The following EML1 variants were observed in gnomAD, a reference collection of about 807,000 sequenced individuals.
EML1 encodes the protein echinoderm microtubule-associated protein-like 1.
A neutral mutation model predicts 110.4 loss-of-function variants in EML1; 27 were observed. The ratio of observed to expected loss-of-function variants is 0.24; its 90% confidence interval spans 0.18 to 0.34. The LOEUF is 0.34. Ranked by LOEUF, EML1 falls within the 10% of genes least tolerant of loss-of-function variation. The pLI is 1.00. For synonymous variants in EML1, 344 were observed against 385.8 expected (o/e 0.89, Z 1.27); for missense variants, 741 against 1,030.9 (o/e 0.72, Z 3.85).
intron 2 of EML1, among the ~76,000 whole-genome samples, chr14:99,857,417 G>T (rs1370695384): frequency 6.6e-6 from 1 of 152,102 alleles, no homozygotes; most frequent in Non-Finnish European, 1.5e-5. Flanking sequence ...CTTTTTAATA[G>T]CAGTTTTATT....
intron 1 of EML1, among the ~76,000 whole-genome samples, chr14:99,799,146 G>A (rs900604848): frequency 3.9e-5 from 6 of 152,168 alleles, no homozygotes; most frequent in South Asian, 2.1e-4. Context: ...ACTACAGCGG[G>A]TCGAGTCCAT....
intron 1 of EML1, among the ~76,000 whole-genome samples, chr14:99,762,272 A>T (rs1428686487): frequency 6.6e-6 from 1 of 152,184 alleles, no homozygotes; most frequent in Non-Finnish European, 1.5e-5. Context: ...GAAATGCAAC[A>T]TGCTTACAGA....
intron 1 of EML1, among the ~76,000 whole-genome samples, chr14:99,757,399 A>G (rs1300219949): frequency 6.6e-6 from 1 of 152,092 alleles, no homozygotes; most frequent in Non-Finnish European, 1.5e-5. Context: ...GCCCCCAGTG[A>G]CAGCACAGGT....
chr14:99,849,163 G>A (rs2058750378), intron 1 of EML1, among the ~76,000 whole-genome samples: 1 of 152,056 alleles, frequency 6.6e-6, no homozygotes. Flanking sequence ...GTCTTTTGAT[G>A]ATTAATTCTT....
chr14:99,848,514 CTT>C (rs1342459515), intron 1 of EML1, among the ~76,000 whole-genome samples: 2 of 152,076 alleles, frequency 1.3e-5, no homozygotes, highest in African/African-American at 4.8e-5. Flanking sequence ...ATGAAAGCCA[CTT>C]ATAATTAATG....
In EML1 at chr14:99,939,035, C is replaced by T. The variant is rs566420480; in HGVS notation, c.2192-162C>T. Among the ~76,000 whole-genome samples the T allele has an allele frequency of 2.0e-5, 3 of 152,208 alleles. No individual in the cohort carries two copies. Among genetic ancestry groups the T allele is most frequent in the Admixed American group, 6.5e-5 (1 of 15,280 alleles). ...GAGTGAGAGGAGACTGGGCGCACAG[C>T]GAGAGGCCAGGAACTGAGGCTATTG... On this transcript the variant is annotated intron_variant, in intron 20 of 21. Coordinates refer to ENST00000262233, the MANE Select transcript of EML1 (RefSeq NM_004434.3). The surrounding 1 kb of genome is among the most constrained non-coding windows in gnomAD (Gnocchi z 4.2).
chr14:99,843,907 C>G (rs1291158893), intron 1 of EML1, among the ~76,000 whole-genome samples: 8 of 152,198 alleles, frequency 5.3e-5, no homozygotes, highest in Non-Finnish European at 8.8e-5. Context: ...AATTACTCCT[C>G]AGAGGGAAGA....
intron 1 of EML1, among the ~76,000 whole-genome samples, chr14:99,815,564 CAA>C: frequency 2.0e-5 from 3 of 152,220 alleles, no homozygotes; most frequent in Admixed American, 2.0e-4. Context: ...CTTCTGCAAA[CAA>C]TGGTTTCTTT....
At position 99,793,466 on chromosome 14, in the gene EML1, G is replaced by A; in HGVS notation, c.-11G>A. ...CGGGCCGGGGAGCGGGCGCGGCCCGGCGGCCTCAGCATGGAGGACGGCTTC... is the reference window on the plus strand; with the variant it reads ...CGGGCCGGGGAGCGGGCGCGGCCCGACGGCCTCAGCATGGAGGACGGCTTC... On this transcript the variant is annotated 5_prime_UTR_variant, in exon 1 of 22. Coordinates refer to ENST00000262233, the MANE Select transcript of EML1 (RefSeq NM_004434.3). The A allele has an allele frequency of 9.5e-7, 1 of 1,047,140 alleles. No individual in the cohort carries two copies. The highest frequency in any genetic ancestry group is 1.2e-6 in the Non-Finnish European group (1 of 868,228). 64.9% of individuals were successfully genotyped at this position (1,047,140 alleles called of 1,614,324 possible). A position where few individuals can be genotyped will look rare whatever the true frequency, so the allele number is the denominator to read the frequency against.
intron 1 of EML1, among the ~76,000 whole-genome samples, chr14:99,839,439 A>G (rs968797562): frequency 2.6e-5 from 4 of 152,186 alleles, no homozygotes; most frequent in Admixed American, 6.5e-5. Context: ...GGTCTGCCCC[A>G]GAAGGATGCT....
chr14:99,838,740 A>C (rs2058579371), intron 1 of EML1, among the ~76,000 whole-genome samples: 1 of 152,138 alleles, frequency 6.6e-6, no homozygotes, highest in Non-Finnish European at 1.5e-5. Flanking sequence ...GTTTTAAAGC[A>C]TAGTGCTTCA....
chr14:99,894,140 G>T (rs927204454), intron 5 of EML1, among the ~76,000 whole-genome samples: 5 of 152,012 alleles, frequency 3.3e-5, no homozygotes, highest in African/African-American at 7.3e-5. Flanking sequence ...ACACTTGAAA[G>T]AATTGTTCAG....
intron 1 of EML1, among the ~76,000 whole-genome samples, chr14:99,748,328 G>A (rs969495272): frequency 4.6e-5 from 7 of 152,176 alleles, no homozygotes; most frequent in African/African-American, 1.7e-4. Context: ...TGGTACTCAC[G>A]TTTCTCCCCG....
intron 2 of EML1, 38 bp from the exon 3 acceptor site, chr14:99,865,476 G>A: frequency 1.2e-6 from 2 of 1,611,878 alleles, no homozygotes; most frequent in Non-Finnish European, 1.7e-6. Context: ...CCTTTGCAAA[G>A]GGGAACTTTC....
chr14:99,804,259 T>C (rs938133741), intron 1 of EML1, among the ~76,000 whole-genome samples: 2 of 152,210 alleles, frequency 1.3e-5, no homozygotes, highest in Admixed American at 1.3e-4. Context: ...CAGCCAGAGC[T>C]TGTGCTGTTA....
At chr14:99,779,099 A>T (rs1017403087) in intron 1 of EML1, among the ~76,000 whole-genome samples, 2 of 152,114 alleles carry the variant, frequency 1.3e-5, no homozygotes, top group African/African-American at 2.4e-5. Context: ...CTTTTCTTGA[A>T]TTATTTCTTT....
chr14:99,787,402 C>G (rs547868171), intron 1 of EML1, among the ~76,000 whole-genome samples: 1 of 151,810 alleles, frequency 6.6e-6, no homozygotes, highest in East Asian at 1.9e-4. Flanking sequence ...CCTCAGCCTC[C>G]CTAGTAACTG....
intron 9 of EML1, among the ~76,000 whole-genome samples, chr14:99,902,776 G>T (rs2059783132): frequency 6.6e-6 from 1 of 152,064 alleles, no homozygotes; most frequent in African/African-American, 2.4e-5. Context: ...CCTCTTGGGG[G>T]GTCCCAAGAT....
At chr14:99,834,043 T>C (rs753096014) in intron 1 of EML1, among the ~76,000 whole-genome samples, 18 of 152,328 alleles carry the variant, frequency 1.2e-4, no homozygotes, top group Non-Finnish European at 2.1e-4. Context: ...TTGTTGTAGG[T>C]GTTCTATAGA....
Sources: gnomAD v4.1 joint callset for allele counts (sites outside exome capture counted in the v4.1 genomes callset) on GRCh38, gnomAD v4.1.1 for gene constraint, Gnocchi (gnomAD v3.1) non-coding constraint, MANE v1.5 for transcripts, NCBI Gene and HGNC (gene_info 2026-07-23, HGNC 2026-07-21) for gene names.